The following LRRC4C variants were observed in gnomAD, a reference collection of about 807,000 sequenced individuals.
LRRC4C encodes leucine-rich repeat-containing protein 4C.
Under a neutral mutation model 33.6 loss-of-function variants are expected in LRRC4C, and 5 were observed. That is an observed-to-expected ratio of 0.15 (90% CI 0.08 to 0.31). The LOEUF (loss-of-function observed/expected upper bound fraction) is 0.31, where lower values mean the gene tolerates loss of function less well. Among genes scored for constraint, LRRC4C ranks in the 10% least tolerant of loss-of-function variants. The probability of loss-of-function intolerance (pLI) is 1.00; values close to 1 mark genes in which losing one functional copy is unlikely to be tolerated. For missense variants in LRRC4C, 560 were observed against 796.7 expected, an observed-to-expected ratio of 0.70 and a Z score of 3.58; for synonymous variants, 329 against 302.0, an observed-to-expected ratio of 1.09 and a Z score of -0.93.
At chr11:41,351,426 T>C (rs887342908) in intron 1 of LRRC4C, among the ~76,000 whole-genome samples, 1 of 152,088 alleles carries the variant, frequency 6.6e-6, no homozygotes, top group Non-Finnish European at 1.5e-5. Flanking sequence ...TATTGAAGGA[T>C]ATTGTATCCA....
At chr11:41,223,983 A>C (rs564032751) in intron 1 of LRRC4C, among the ~76,000 whole-genome samples, 1 of 152,156 alleles carries the variant, frequency 6.6e-6, no homozygotes, top group African/African-American at 2.4e-5. Context: ...GCTGCCCCAA[A>C]GTACAATGGA....
chr11:40,795,372 C>CA (rs549726676), intron 2 of LRRC4C, among the ~76,000 whole-genome samples: 154 of 151,422 alleles, frequency 1.0e-3, no homozygotes, highest in African/African-American at 2.4e-3. Flanking sequence ...ATTAAAAATA[C>CA]AAAAAAAATT....
intron 1 of LRRC4C, among the ~76,000 whole-genome samples, chr11:41,204,631 A>G (rs1188817705): frequency 6.6e-6 from 1 of 152,186 alleles, no homozygotes; most frequent in Non-Finnish European, 1.5e-5. Context: ...GAACTTTTTC[A>G]TTCTGTGCTT....
chr11:41,285,054 C>T (rs1038362022), intron 1 of LRRC4C, among the ~76,000 whole-genome samples: 14 of 152,208 alleles, frequency 9.2e-5, no homozygotes, highest in African/African-American at 2.6e-4. Flanking sequence ...ACAAGGGGAC[C>T]CAGGAAAAGT....
chr11:41,285,568 C>T (rs904037762), intron 1 of LRRC4C, among the ~76,000 whole-genome samples: 1 of 152,052 alleles, frequency 6.6e-6, no homozygotes, highest in Admixed American at 6.5e-5. Flanking sequence ...ATAGCATGTC[C>T]AAGGTTCAGA....
intron 5 of LRRC4C, among the ~76,000 whole-genome samples, chr11:40,222,162 C>T (rs141847781): frequency 4.7e-4 from 71 of 152,298 alleles, no homozygotes; most frequent in African/African-American, 1.7e-3. Flanking sequence ...TACCCAGTAA[C>T]GGCAAGTAAT....
Position 40,388,898 on chromosome 11 carries a change from C to T in LRRC4C, c.-269-69177G>A, listed in dbSNP as rs1181241161. On this transcript the variant is annotated intron_variant, in intron 3 of 6. Transcript: ENST00000528697. ...AGGTACTGCAAAATGGAGACATCAG[C>T]CTTCTCCCCATTTTTAGGAGACCAA... Among the ~76,000 whole-genome samples the T allele has an allele frequency of 2.0e-5, 3 of 152,116 alleles. No individual in the cohort carries two copies. The East Asian group carries it at 5.8e-4, about 29-fold the overall frequency.
At chr11:40,844,742 C>T (rs1451438373) in intron 2 of LRRC4C, among the ~76,000 whole-genome samples, 2 of 152,024 alleles carry the variant, frequency 1.3e-5, no homozygotes, top group East Asian at 3.9e-4. Flanking sequence ...TGTCTGCATC[C>T]TTTATAGGTA....
intron 1 of LRRC4C, among the ~76,000 whole-genome samples, chr11:41,024,337 A>AT (rs1436541254): frequency 5.3e-5 from 8 of 151,736 alleles, no homozygotes; most frequent in African/African-American, 1.9e-4. Context: ...AAGCATGCTC[A>AT]TTTTTTGACA....
intron 3 of LRRC4C, among the ~76,000 whole-genome samples, chr11:40,566,720 C>T (rs948537512): frequency 6.6e-6 from 1 of 152,046 alleles, no homozygotes; most frequent in African/African-American, 2.4e-5. Context: ...AAAGAAGGTG[C>T]TGGTTAAAGC....
At chr11:40,229,770 G>T (rs1459985393) in intron 5 of LRRC4C, among the ~76,000 whole-genome samples, 1 of 152,168 alleles carries the variant, frequency 6.6e-6, no homozygotes, top group Non-Finnish European at 1.5e-5. Flanking sequence ...AAGCCTGCAA[G>T]GGGGACTGGC....
chr11:41,234,401 T>A lies in LRRC4C; in HGVS notation c.-496+225030A>T, dbSNP rs147548685. Among the ~76,000 whole-genome samples, 149 of 152,118 alleles carry A rather than the reference T, an allele frequency of 9.8e-4. 1 individual carries two copies. The Middle Eastern group carries it at 0.017, about 17-fold the overall frequency. The stretch of plus-strand genomic sequence containing the variant: ...CTTAAAATATTAGGCTAATATATTC[T>A]CTTAGCAATGTTCAGGAATATGTTA... On this transcript the variant is annotated intron_variant, in intron 1 of 6. Coordinates refer to ENST00000528697, the MANE Select transcript of LRRC4C (RefSeq NM_001258419.2).
chr11:40,123,314 T>C (rs564841335), intron 6 of LRRC4C, among the ~76,000 whole-genome samples: 1 of 152,276 alleles, frequency 6.6e-6, no homozygotes, highest in Non-Finnish European at 1.5e-5. Flanking sequence ...TTATCTTTGT[T>C]TGCAGATGAT....
chr11:41,007,093 A>G (rs1223184634), intron 1 of LRRC4C, among the ~76,000 whole-genome samples: 1 of 152,180 alleles, frequency 6.6e-6, no homozygotes, highest in Admixed American at 6.5e-5. Context: ...CACATTAGTC[A>G]CAAACTTACA....
chr11:41,405,196 G>T (rs1038883362), intron 1 of LRRC4C, among the ~76,000 whole-genome samples: 10 of 151,962 alleles, frequency 6.6e-5, no homozygotes. Flanking sequence ...AACCAAGAAG[G>T]TGACATTTAA....
chr11:40,654,003 C>T (rs914586243), intron 2 of LRRC4C, among the ~76,000 whole-genome samples: 4 of 152,180 alleles, frequency 2.6e-5, no homozygotes, highest in African/African-American at 9.6e-5. Flanking sequence ...TGTCAGCTTT[C>T]CTGTGGTATT....
chr11:41,063,878 G>A (rs764888373), intron 1 of LRRC4C, among the ~76,000 whole-genome samples: 4 of 152,198 alleles, frequency 2.6e-5, no homozygotes, highest in Non-Finnish European at 5.9e-5. Context: ...ATCATAGTAA[G>A]TGGTGGAAGA....
intron 3 of LRRC4C, among the ~76,000 whole-genome samples, chr11:40,505,106 A>G (rs1039243150): frequency 1.3e-5 from 2 of 152,086 alleles, no homozygotes; most frequent in Admixed American, 1.3e-4. Context: ...GGATAAGGCT[A>G]AATCTGGGTC....
intron 3 of LRRC4C, among the ~76,000 whole-genome samples, chr11:40,635,154 C>T (rs1446940143): frequency 6.6e-6 from 1 of 152,182 alleles, no homozygotes; most frequent in Non-Finnish European, 1.5e-5. Flanking sequence ...ATAACTTTAA[C>T]AGCCAGGTAA....
Sources: gnomAD v4.1 joint callset for allele counts (sites outside exome capture counted in the v4.1 genomes callset) on GRCh38, gnomAD v4.1.1 for gene constraint, MANE v1.5 for transcripts, NCBI Gene and HGNC (gene_info 2026-07-23, HGNC 2026-07-21) for gene names.